KRT82: variants seen among roughly 807,000 people sequenced by gnomAD.
KRT82 encodes the protein keratin 82.
A neutral mutation model predicts 48.0 loss-of-function variants in KRT82; 44 were observed. That is an observed-to-expected ratio of 0.92 (90% confidence interval 0.72 to 1.18). The LOEUF (loss-of-function observed/expected upper bound fraction) is 1.18. Among genes scored for constraint, KRT82 ranks in the 50% most tolerant of loss-of-function variants. The probability of loss-of-function intolerance (pLI) is 0.00; values close to 1 mark genes in which losing one functional copy is unlikely to be tolerated. For synonymous variants in KRT82, 297 were observed against 278.3 expected (o/e 1.07, Z -0.67); for missense variants, 701 against 671.4 (o/e 1.04, Z -0.49).
Position 52,395,774 on chromosome 12 carries a change from C to G in KRT82, c.1306G>C (p.Gly436Arg). 2.6e-6 allele frequency: 4 copies of G among 1,553,668 alleles called. No individual in the cohort carries two copies. Among genetic ancestry groups the G allele is most frequent in the Non-Finnish European group, 3.5e-6 (4 of 1,154,198 alleles). Reference protein sequence around the residue: ...GEEHRLCEGIGPVNISVSSSK... With the variant: ...GEEHRLCEGIRPVNISVSSSK... ...ATCTACTTACAGATATTCACGGGCC[C>G]GATGCCTTCGCACAGCCTGGGGATG... Residue 436 changes from glycine to arginine, a missense_variant, in exon 8 of 9, where the codon GGG becomes CGG. Physicochemically the swap from Gly to Arg is moderately radical, Grantham distance 125 (BLOSUM62 -2). Coordinates refer to ENST00000257974, the MANE Select transcript of KRT82 (RefSeq NM_033033.4).
intron 4 of KRT82, 119 bp from the exon 5 acceptor site, chr12:52,400,268 C>A: frequency 1.9e-6 from 2 of 1,080,434 alleles, no homozygotes; most frequent in Non-Finnish European, 1.3e-6. Flanking sequence ...TATGGCTGTT[C>A]TGGGCTTCAG....
At chr12:52,402,686 T>C (rs1350579170) in intron 2 of KRT82, among the ~76,000 whole-genome samples, 1 of 152,190 alleles carries the variant, frequency 6.6e-6, no homozygotes, top group Non-Finnish European at 1.5e-5. Flanking sequence ...CTGTGCACAC[T>C]GGACTGGGAA....
intron 2 of KRT82, among the ~76,000 whole-genome samples, chr12:52,403,006 C>G (rs1344544969): frequency 6.6e-6 from 1 of 152,158 alleles, no homozygotes; most frequent in Non-Finnish European, 1.5e-5. Flanking sequence ...AGCCCGGGAC[C>G]TGGTGAGAAA....
Position 52,405,958 on chromosome 12 carries a change from A to C in KRT82, c.320T>G (p.Leu107Arg). ...INESLLVPLA[L>R]EIDPTVQRVK... ...CCTCTGCACAGTCGGGTCTATCTCC[A>C]GTGCCAGTGGGACCAGCAGGCTCTC... The change falls in exon 1 of 9, where the codon CTG (leucine) becomes CGG (arginine). Residue 107 changes from leucine (L) to arginine (R), a missense_variant. Physicochemically the swap from Leu to Arg is moderately radical, Grantham distance 102. Coordinates refer to ENST00000257974, the MANE Select transcript of KRT82 (RefSeq NM_033033.4). 1.9e-6 allele frequency: 3 copies of C among 1,614,174 alleles called. No individual in the cohort carries two copies. The highest frequency in any genetic ancestry group is 2.5e-6 in the Non-Finnish European group (3 of 1,180,022).
rs1939821360 is a variant in KRT82 at position 52,403,910 on chromosome 12, C to G, written c.412-1G>C. 6 of 1,613,210 alleles carry G rather than the reference C, an allele frequency of 3.7e-6. No individual in the cohort carries two copies. Among genetic ancestry groups the G allele is most frequent in the Non-Finnish European group, 5.1e-6 (6 of 1,179,734 alleles). ...TGTTCTTCTGCTCCAGGAAACGGAC[C>G]TGCAGCCAAGAATGGAATATCACCA... On this transcript the variant is annotated splice_acceptor_variant, in intron 1 of 8. Coordinates refer to ENST00000257974, the MANE Select transcript of KRT82 (RefSeq NM_033033.4). LOFTEE classifies it high-confidence loss of function.
In KRT82 at chr12:52,395,939, C is replaced by G. The variant is rs768335649; in HGVS notation, c.1289+73G>C. On this transcript the variant is annotated intron_variant, in intron 7 of 8. Coordinates refer to ENST00000257974, the MANE Select transcript of KRT82 (RefSeq NM_033033.4). ...TAGGGGACGGGGTGAGAGATACTAG[C>G]AGCCGCCACCAGAGGGCTGGGTAAT... 3.8e-6 allele frequency: 6 copies of G among 1,589,092 alleles called. 1 individual carries two copies. The highest frequency in any genetic ancestry group is 1.7e-4 in the Middle Eastern group (1 of 5,828).
At position 52,406,068 on chromosome 12, in the gene KRT82, C is replaced by T. The variant is rs139979674; in HGVS notation, c.210G>A (p.Arg70=). ...CGAAGCCAGGCAGGGTACCTCCACA[C>T]CTGGAGGCTACCCGGGGCCTCCCAA... ...VGFGRPRVAS[R]CGGTLPGFGY... The change falls in exon 1 of 9, where the codon AGG becomes AGA. Residue 70 remains arginine, a synonymous_variant. Transcript: ENST00000257974. 6 of 1,613,988 alleles carry T rather than the reference C, an allele frequency of 3.7e-6. No individual in the cohort carries two copies.
In KRT82 at chr12:52,394,838, G is replaced by C. The variant is rs1408455207; in HGVS notation, c.*137C>G. 1.3e-6 allele frequency: 1 copy of C among 753,164 alleles called. No homozygotes were observed. Among genetic ancestry groups the C allele is most frequent in the Non-Finnish European group, 2.2e-6 (1 of 446,674 alleles). The allele number at this position is 753,164 out of a possible 1,614,324, so 46.7% of individuals were successfully genotyped here. A position where few individuals can be genotyped will look rare whatever the true frequency, so the allele number is the denominator to read the frequency against. ...TCCTAGGGGCAGCTCAGCTCTCAAG[G>C]AGGGAACACTGGAGGGGAATGTGGA... On this transcript the variant is annotated 3_prime_UTR_variant, in exon 9 of 9. Coordinates refer to ENST00000257974, the MANE Select transcript of KRT82 (RefSeq NM_033033.4).
At position 52,401,315 on chromosome 12, in the gene KRT82, C is replaced by T. The variant is rs1791634; in HGVS notation, c.655G>A (p.Glu219Lys). 7.4e-6 allele frequency: 12 copies of T among 1,613,930 alleles called. No individual in the cohort carries two copies. In the South Asian group the frequency reaches 1.3e-4, roughly 18 times the overall value. ...EEELSLRPCV[E>K]NEFVALKKDV... Reference sequence around the variant, plus strand: ...TTCTTCAAGGCAACAAACTCATTCTCAACACAGGGACGCAGGGAGAGCTCC... The same window carrying T: ...TTCTTCAAGGCAACAAACTCATTCTTAACACAGGGACGCAGGGAGAGCTCC... The change falls in exon 3 of 9, where the codon GAG becomes AAG. Residue 219 changes from glutamate (E) to lysine (K), a missense_variant. By Grantham distance (56) the Glu-to-Lys change is moderately conservative. Coordinates refer to ENST00000257974, the MANE Select transcript of KRT82 (RefSeq NM_033033.4).
At chr12:52,404,283 C>T (rs1939825296) in intron 1 of KRT82, among the ~76,000 whole-genome samples, 1 of 152,196 alleles carries the variant, frequency 6.6e-6, no homozygotes, top group Non-Finnish European at 1.5e-5. Flanking sequence ...CTACCTGGGA[C>T]AGTGTATGGG....
rs903047679 is a variant in KRT82, at chr12:52,400,453, G to A, written c.777+74C>T. 6.9e-5 allele frequency: 76 copies of A among 1,106,118 alleles called. 1 individual carries two copies. The South Asian group carries it at 7.0e-4, about 10-fold the overall frequency. 68.5% of individuals were successfully genotyped at this position (1,106,118 alleles called of 1,614,324 possible). A position where few individuals can be genotyped will look rare whatever the true frequency, so the allele number is the denominator to read the frequency against. ...GCTTGCCCTGAAATGTACCCACTGGGCGGCCACTCTGCTGCCCTCTCGATC... is the reference window on the plus strand; with the variant it reads ...GCTTGCCCTGAAATGTACCCACTGGACGGCCACTCTGCTGCCCTCTCGATC... On this transcript the variant is annotated intron_variant, in intron 4 of 8. Transcript: ENST00000257974.
chr12:52,396,181 C>A lies in KRT82; in HGVS notation c.1120G>T (p.Ala374Ser). 1 of 1,614,150 alleles carries A rather than the reference C, an allele frequency of 6.2e-7. No individual in the cohort carries two copies. Among genetic ancestry groups the A allele is most frequent in the Non-Finnish European group, 8.5e-7 (1 of 1,180,038 alleles). The change falls in exon 7 of 9, where the codon GCT (alanine) becomes TCT (serine). Residue 374 changes from alanine (A) to serine (S), a missense_variant. Coordinates refer to ENST00000257974, the MANE Select transcript of KRT82 (RefSeq NM_033033.4). ...AGCTTGCACTTGGCATCATTGAGAGCCGCCTCGCCCTGCTGCTCTGCCTCA... is the reference window on the plus strand; with the variant it reads ...AGCTTGCACTTGGCATCATTGAGAGACGCCTCGCCCTGCTGCTCTGCCTCA... ...IAEAEQQGEA[A>S]LNDAKCKLAG...
chr12:52,401,256 C>A, intron 3 of KRT82, 33 bp downstream of exon 3: 1 of 1,604,362 alleles, frequency 6.2e-7, no homozygotes, highest in South Asian at 1.1e-5. Context: ...CAGGCCAGCT[C>A]AGGGGCTCTG....
chr12:52,401,330 G>T lies in KRT82; in HGVS notation c.640C>A (p.Leu214Met), dbSNP rs761368309. The change falls in exon 3 of 9, where the codon CTG (leucine) becomes ATG (methionine). Residue 214 changes from leucine to methionine, a missense_variant. Transcript: ENST00000257974. ...YKKKYEEELSLRPCVENEFVA... is the reference protein window; with the variant it reads ...YKKKYEEELSMRPCVENEFVA... ...AACTCATTCTCAACACAGGGACGCA[G>T]GGAGAGCTCCTCTTCGTATCTGATG... The T allele has an allele frequency of 1.4e-5, 23 of 1,614,022 alleles. No homozygotes were observed. Among genetic ancestry groups the T allele is most frequent in the Non-Finnish European group, 1.9e-5 (22 of 1,180,012 alleles).
At chr12:52,396,814 C>T in intron 6 of KRT82, 69 bp downstream of exon 6, 1 of 1,590,368 alleles carries the variant, frequency 6.3e-7, no homozygotes, top group South Asian at 1.1e-5. Context: ...TGAACCCGCC[C>T]TGCACGGCAC....
chr12:52,403,714 C>T lies in KRT82; in HGVS notation c.607G>A (p.Gly203Ser), dbSNP rs1213172427. Residue 203 changes from glycine (G) to serine (S), a missense_variant, in exon 2 of 9, where the codon GGC becomes AGC. Gly to Ser is a moderately conservative substitution (Grantham distance 56). Transcript: ENST00000257974. ...GCACTGACTCACTTTTTCTTGTAGCCCTCCAGTGCAGCCTGGAGGCTGCAG... is the reference window on the plus strand; with the variant it reads ...GCACTGACTCACTTTTTCTTGTAGCTCTCCAGTGCAGCCTGGAGGCTGCAG... ...ELCSLQAALE[G>S]YKKKYEEELS... 1 of 1,606,412 alleles carries T rather than the reference C, an allele frequency of 6.2e-7. No individual in the cohort carries two copies. Among genetic ancestry groups the T allele is most frequent in the East Asian group, 2.2e-5 (1 of 44,788 alleles).
chr12:52,400,441 T>G lies in KRT82; in HGVS notation c.777+86A>C, dbSNP rs1939773052. 3.0e-6 allele frequency: 3 copies of G among 1,001,440 alleles called. No individual in the cohort carries two copies. In the South Asian group the frequency reaches 3.9e-5, roughly 13 times the overall value. The allele number at this position is 1,001,440 out of a possible 1,614,324, so 62.0% of individuals were successfully genotyped here. A position where few individuals can be genotyped will look rare whatever the true frequency, so the allele number is the denominator to read the frequency against. On this transcript the variant is annotated intron_variant, in intron 4 of 8. Transcript: ENST00000257974. ...ACCTCTTTCCATGCTTGCCCTGAAA[T>G]GTACCCACTGGGCGGCCACTCTGCT...
Position 52,394,967 on chromosome 12 carries a change from G to C in KRT82, c.*8C>G, listed in dbSNP as rs771353053. The C allele has an allele frequency of 1.9e-6, 3 of 1,611,712 alleles. No homozygotes were observed. Among genetic ancestry groups the C allele is most frequent in the Admixed American group, 1.7e-5 (1 of 60,008 alleles). On this transcript the variant is annotated 3_prime_UTR_variant, in exon 9 of 9. Transcript: ENST00000257974. ...AGGGGCTCTGTCTCCTGGATGTCTC[G>C]GATCATGCTAATGCTTGTGGCTGGG...
At chr12:52,403,609 G>A in intron 2 of KRT82, 92 bp downstream of exon 2, 1 of 837,998 alleles carries the variant, frequency 1.2e-6, no homozygotes, top group Non-Finnish European at 1.9e-6. Flanking sequence ...CTAAGTTTAG[G>A]CTTCCCATTT....
Sources: allele counts gnomAD v4.1 joint callset (sites outside exome capture counted in the v4.1 genomes callset), GRCh38; gene constraint gnomAD v4.1.1; transcripts MANE v1.5; gene names NCBI Gene and HGNC (gene_info 2026-07-23, HGNC 2026-07-21).